HEPHL1: variants seen among roughly 807,000 people sequenced by gnomAD.
The protein encoded by HEPHL1 is ferroxidase HEPHL1.
In HEPHL1, 123 loss-of-function variants were observed where a neutral mutation model predicts 122.0. The observed-to-expected ratio is 1.01, with a 90% CI of 0.87 to 1.17. HEPHL1 has a LOEUF of 1.17. HEPHL1 is among the 50% of genes most tolerant of loss of function. The pLI is 0.00. For missense variants in HEPHL1, 1,452 were observed against 1,430.5 expected (o/e 1.01, Z -0.24); for synonymous variants, 527 against 508.9 (o/e 1.04, Z -0.48).
chr11:94,063,255 G>C (rs555182857), intron 2 of HEPHL1, among the ~76,000 whole-genome samples: 1 of 152,230 alleles, frequency 6.6e-6, no homozygotes. Flanking sequence ...TAAGTTCCTA[G>C]TTCTGTTCAA....
intron 2 of HEPHL1, among the ~76,000 whole-genome samples, chr11:94,059,640 C>A (rs980352334): frequency 2.0e-5 from 3 of 152,096 alleles, no homozygotes; most frequent in African/African-American, 7.2e-5. Context: ...TTAATAAATT[C>A]TTTTGAAAAT....
chr11:94,086,272 G>A, intron 11 of HEPHL1, 83 bp downstream of exon 11: 1 of 1,039,840 alleles, frequency 9.6e-7, no homozygotes, highest in Non-Finnish European at 1.4e-6. Flanking sequence ...GAAGAAATTG[G>A]TAGACTTTGT....
intron 17 of HEPHL1, 25 bp downstream of exon 17, chr11:94,106,155 G>A (rs778158112): frequency 6.0e-6 from 9 of 1,510,114 alleles, no homozygotes; most frequent in Non-Finnish European, 7.1e-6. Context: ...AGTGCTTTGG[G>A]AAAGACGTTT....
chr11:94,064,651 C>G lies in HEPHL1; in HGVS notation c.808+141C>G, dbSNP rs1946019322. 1.3e-5 allele frequency: 8 copies of G among 608,756 alleles called. No individual in the cohort carries two copies. In the South Asian group the frequency reaches 1.8e-4, roughly 14 times the overall value. 37.7% of individuals were successfully genotyped at this position (608,756 alleles called of 1,614,324 possible). On this transcript the variant is annotated intron_variant, in intron 4 of 19. Transcript: ENST00000315765. ...GGATGACCATGGTTAGAAAGTGATA[C>G]AATACATGACACATGTTTGAACCTG...
chr11:94,110,304 A>G (rs1946438333), intron 17 of HEPHL1, among the ~76,000 whole-genome samples: 1 of 152,146 alleles, frequency 6.6e-6, no homozygotes, highest in Admixed American at 6.6e-5. Flanking sequence ...GGAATTTGGG[A>G]TTAGTTTAAC....
At position 94,104,610 on chromosome 11, in the gene HEPHL1, A is replaced by C. The variant is rs1345132197; in HGVS notation, c.2765A>C (p.Asp922Ala). The C allele has an allele frequency of 6.2e-7, 1 of 1,613,930 alleles. No individual in the cohort carries two copies. Among genetic ancestry groups the C allele is most frequent in the Non-Finnish European group, 8.5e-7 (1 of 1,179,824 alleles). ...GAAAAGGGAAGAAGAAGTGACGTTG[A>C]TTATGAATTTGCTCTCTTGTTTTTG... ...LNEKGRRSDV[D>A]YEFALLFLVF... The change falls in exon 16 of 20, where the codon GAT becomes GCT. Residue 922 changes from aspartate to alanine, a missense_variant. Coordinates refer to ENST00000315765, the MANE Select transcript of HEPHL1 (RefSeq NM_001098672.2).
chr11:94,113,646 G>T lies in HEPHL1; in HGVS notation c.*1752G>T, dbSNP rs963605233. The stretch of plus-strand genomic sequence containing the variant: ...ATTACCCACCTTAGTAAGACAAGTT[G>T]TTCAGTTGTTTTTTTTTCTTTTCAG... On this transcript the variant is annotated 3_prime_UTR_variant, in exon 20 of 20. Transcript: ENST00000315765. 1.4e-4 allele frequency: 21 copies of T among 151,604 alleles called. No individual in the cohort carries two copies. Among genetic ancestry groups the T allele is most frequent in the Admixed American group, 1.2e-3 (18 of 15,248 alleles). The allele number at this position is 151,604 out of a possible 1,614,324, so 9.4% of individuals were successfully genotyped here.
At chr11:94,108,788 T>G (rs986106826) in intron 17 of HEPHL1, among the ~76,000 whole-genome samples, 3 of 152,128 alleles carry the variant, frequency 2.0e-5, no homozygotes, top group Non-Finnish European at 4.4e-5. Context: ...CACAATGTTT[T>G]GATTACTTTA....
rs112457342 is a variant in HEPHL1 at position 94,100,156 on chromosome 11, C to T, written c.2435-1039C>T. Among the ~76,000 whole-genome samples the T allele has an allele frequency of 8.0e-4, 122 of 152,242 alleles. 2 individuals are homozygous for T. The highest frequency in any genetic ancestry group is 2.8e-3 in the African/African-American group (118 of 41,536). On this transcript the variant is annotated intron_variant, in intron 13 of 19. Coordinates refer to ENST00000315765, the MANE Select transcript of HEPHL1 (RefSeq NM_001098672.2). ...TTCCTATTCATCCATCTTGGAACTA[C>T]CCCCTAAGAATATTTTAAGAAATTG...
intron 2 of HEPHL1, among the ~76,000 whole-genome samples, chr11:94,057,025 T>C (rs1396452277): frequency 1.3e-5 from 2 of 152,132 alleles, no homozygotes; most frequent in Non-Finnish European, 2.9e-5. Context: ...TTTTGCTGGA[T>C]ATAGCATTCT....
chr11:94,111,720 C>T lies in HEPHL1; in HGVS notation c.3306C>T (p.Phe1102=). 6.2e-7 allele frequency: 1 copy of T among 1,608,280 alleles called. No individual in the cohort carries two copies. The highest frequency in any genetic ancestry group is 8.5e-7 in the Non-Finnish European group (1 of 1,176,934). The change falls in exon 20 of 20, where the codon TTC becomes TTT. Residue 1102 remains phenylalanine (F), a synonymous_variant. Coordinates refer to ENST00000315765, the MANE Select transcript of HEPHL1 (RefSeq NM_001098672.2). The part of the protein sequence containing the change: ...NERPGKEQLY[F]FGKNLGPTGA... ...GACCTGGCAAAGAGCAGCTCTATTT[C>T]TTTGGCAAGAATCTGGGTCCAACAG...
At chr11:94,037,768 GA>G (rs906007231) in intron 1 of HEPHL1, among the ~76,000 whole-genome samples, 2 of 151,848 alleles carry the variant, frequency 1.3e-5, no homozygotes, top group Admixed American at 6.5e-5. Flanking sequence ...CAAAGATGGG[GA>G]AAAAACAGAA....
At chr11:94,080,341 A>T (rs558401135) in intron 9 of HEPHL1, among the ~76,000 whole-genome samples, 2 of 152,246 alleles carry the variant, frequency 1.3e-5, no homozygotes, top group African/African-American at 4.8e-5. Context: ...AACTATAAAA[A>T]CCCTAGAAGA....
intron 1 of HEPHL1, among the ~76,000 whole-genome samples, chr11:94,024,837 C>T (rs1036124445): frequency 6.6e-6 from 1 of 152,126 alleles, no homozygotes; most frequent in South Asian, 2.1e-4. Context: ...TCAATAATCC[C>T]CCTTCCCTGC....
At position 94,045,893 on chromosome 11, in the gene HEPHL1, G is replaced by A. The variant is rs200060606; in HGVS notation, c.391G>A (p.Val131Ile). ...ACCTTACTCTCTGCATCCACATGGC[G>A]TTTTCTACAACAAAGATTCAGAAGG... ...SRPYSLHPHG[V>I]FYNKDSEGAL... The change falls in exon 2 of 20, where the codon GTT becomes ATT. Residue 131 changes from valine to isoleucine, a missense_variant. Val to Ile is a conservative substitution (Grantham distance 29). Transcript: ENST00000315765. 647 of 1,613,724 alleles carry A rather than the reference G, an allele frequency of 4.0e-4. 1 individual carries two copies. The highest frequency in any genetic ancestry group is 5.0e-4 in the Non-Finnish European group (588 of 1,179,794).
intron 1 of HEPHL1, among the ~76,000 whole-genome samples, chr11:94,029,498 A>T (rs1299728018): frequency 6.6e-6 from 1 of 152,242 alleles, no homozygotes; most frequent in Non-Finnish European, 1.5e-5. Flanking sequence ...AAGCTCTACT[A>T]CAGGAATCAT....
chr11:94,037,005 G>T (rs960048938), intron 1 of HEPHL1, among the ~76,000 whole-genome samples: 15 of 152,288 alleles, frequency 9.8e-5, no homozygotes, highest in African/African-American at 2.4e-4. Flanking sequence ...CAGGCCAGTG[G>T]GTGCGCGCAC....
chr11:94,055,654 A>G, intron 2 of HEPHL1: 1 of 392,574 alleles, frequency 2.5e-6, no homozygotes, highest in Non-Finnish European at 5.0e-6. Context: ...AATGCTGGTG[A>G]AGATGTGAGG....
At chr11:94,043,565 T>C (rs1945806439) in intron 1 of HEPHL1, among the ~76,000 whole-genome samples, 1 of 152,096 alleles carries the variant, frequency 6.6e-6, no homozygotes, top group Non-Finnish European at 1.5e-5. Context: ...GGCTGGGGGA[T>C]GGAACCCCAT....
Sources: gnomAD v4.1 joint callset for allele counts (sites outside exome capture counted in the v4.1 genomes callset) on GRCh38, gnomAD v4.1.1 for gene constraint, MANE v1.5 for transcripts, NCBI Gene and HGNC (gene_info 2026-07-23, HGNC 2026-07-21) for gene names.